DCBLD2: variants seen among roughly 807,000 people sequenced by gnomAD.
DCBLD2 encodes the protein discoidin, CUB and LCCL domain containing 2, also known as discoidin, CUB and LCCL domain-containing protein 2.
A neutral mutation model predicts 86.8 loss-of-function variants in DCBLD2; 54 were observed. The ratio of observed to expected loss-of-function variants is 0.62; its 90% CI spans 0.50 to 0.78. DCBLD2 has a LOEUF of 0.78. DCBLD2 is among the 30% of genes least tolerant of loss of function. DCBLD2 has a pLI of 0.00. For missense variants in DCBLD2, 908 were observed against 954.2 expected (o/e 0.95, Z 0.64); for synonymous variants, 354 against 341.3 (o/e 1.04, Z -0.41).
At chr3:98,852,253 T>A (rs373897015) in intron 2 of DCBLD2, among the ~76,000 whole-genome samples, 54,410 of 148,742 alleles carry the variant, frequency 0.37, 9,781 homozygotes, top group Middle Eastern at 0.39. Context: ...ATATTTCTTT[T>A]TTTTTTTTTT....
intron 3 of DCBLD2, among the ~76,000 whole-genome samples, chr3:98,834,137 GTTTTCTT>G (rs1186542574): frequency 1.4e-5 from 1 of 69,428 alleles, no homozygotes; most frequent in South Asian, 8.2e-4. Flanking sequence ...GAGTAGAGTT[GTTTTCTT>G]TTTTTTTTTT....
chr3:98,821,396 C>G (rs987926374), intron 6 of DCBLD2, among the ~76,000 whole-genome samples: 40 of 152,212 alleles, frequency 2.6e-4, no homozygotes, highest in African/African-American at 7.2e-4. Context: ...GATGCCTACC[C>G]TACGTTTTAT....
At chr3:98,855,468 A>T (rs1942915659) in intron 2 of DCBLD2, among the ~76,000 whole-genome samples, 1 of 152,248 alleles carries the variant, frequency 6.6e-6, no homozygotes, top group South Asian at 2.1e-4. Context: ...ACGTATAGAA[A>T]TGTGTACTTA....
rs992802194 is a variant in DCBLD2 at position 98,808,062 on chromosome 3, G to A, written c.1670+19C>T. On this transcript the variant is annotated intron_variant, in intron 13 of 15. Transcript: ENST00000326840. ...ACATTTGGTAGTTTTGGACTCAGGT[G>A]AACTAGTTATGTACTAACCTGTTTC... The A allele has an allele frequency of 4.6e-6, 7 of 1,522,648 alleles. No homozygotes were observed. Among genetic ancestry groups the A allele is most frequent in the Non-Finnish European group, 4.4e-6 (5 of 1,136,802 alleles). The allele number at this position is 1,522,648 out of a possible 1,614,324, so 94.3% of individuals were successfully genotyped here.
chr3:98,878,776 C>T (rs1441661442), intron 2 of DCBLD2, among the ~76,000 whole-genome samples: 1 of 152,162 alleles, frequency 6.6e-6, no homozygotes, highest in East Asian at 1.9e-4. Context: ...GCCCCTTGAC[C>T]TTTCTGCAGC....
intron 2 of DCBLD2, among the ~76,000 whole-genome samples, chr3:98,864,218 G>A (rs1329315257): frequency 6.6e-6 from 1 of 152,220 alleles, no homozygotes; most frequent in Admixed American, 6.5e-5. Context: ...GTGCTGGAGA[G>A]GTTGTGGAGA....
chr3:98,800,844 A>T, intron 14 of DCBLD2, 128 bp from the exon 15 acceptor site: 2 of 1,298,582 alleles, frequency 1.5e-6, no homozygotes, highest in Non-Finnish European at 2.1e-6. Flanking sequence ...ACTTGCCTTT[A>T]TAATCCAACT....
chr3:98,864,935 T>C (rs1471325123), intron 2 of DCBLD2, among the ~76,000 whole-genome samples: 1 of 152,120 alleles, frequency 6.6e-6, no homozygotes, highest in Non-Finnish European at 1.5e-5. Flanking sequence ...TCATGCTTCC[T>C]AGAATGGCTA....
chr3:98,825,270 A>G, intron 4 of DCBLD2, 45 bp downstream of exon 4: 2 of 1,354,548 alleles, frequency 1.5e-6, no homozygotes, highest in Non-Finnish European at 2.0e-6. Context: ...ATGAAAAGTA[A>G]CATTTAAGCA....
At chr3:98,842,059 C>T (rs1942631941) in intron 3 of DCBLD2, among the ~76,000 whole-genome samples, 1 of 152,002 alleles carries the variant, frequency 6.6e-6, no homozygotes, top group Non-Finnish European at 1.5e-5. Context: ...AGCAAGACTC[C>T]ATCTCAAAAA....
intron 3 of DCBLD2, among the ~76,000 whole-genome samples, chr3:98,826,484 C>T (rs916539641): frequency 6.6e-6 from 1 of 152,236 alleles, no homozygotes; most frequent in African/African-American, 2.4e-5. Context: ...CTTTAGCACA[C>T]AGTAGGCACT....
chr3:98,800,824 A>T, intron 14 of DCBLD2, 108 bp from the exon 15 acceptor site: 1 of 1,493,812 alleles, frequency 6.7e-7, no homozygotes, highest in Non-Finnish European at 9.1e-7. Flanking sequence ...TATAACAAAT[A>T]TCTCTACAAA....
intron 2 of DCBLD2, among the ~76,000 whole-genome samples, chr3:98,867,484 A>G (rs949342062): frequency 1.3e-5 from 2 of 152,206 alleles, no homozygotes; most frequent in Non-Finnish European, 2.9e-5. Context: ...CACTTAAAAA[A>G]TCATTAAATA....
rs767846363 is a variant in DCBLD2 at position 98,849,414 on chromosome 3, G to C, written c.571+47C>G. The C allele has an allele frequency of 3.1e-6, 5 of 1,610,300 alleles. No individual in the cohort carries two copies. The African/African-American group carries it at 6.7e-5, about 22-fold the overall frequency. On this transcript the variant is annotated intron_variant, in intron 3 of 15. Transcript: ENST00000326840. The stretch of plus-strand genomic sequence containing the variant: ...TTAAAAAAAGCATTTTATTTTTGTT[G>C]TTAGAAATTACAAACTGTAGGAACC...
In DCBLD2 at chr3:98,819,313, A is replaced by G; in HGVS notation, c.976T>C (p.Trp326Arg). The G allele has an allele frequency of 3.1e-6, 5 of 1,613,820 alleles. No individual in the cohort carries two copies. Among genetic ancestry groups the G allele is most frequent in the South Asian group, 2.2e-5 (2 of 91,068 alleles). ...WTDHTGQENS[W>R]KPKKARLKKP... ...TTCAGCCTGGCTTTTTTGGGTTTCC[A>G]ACTGTTCTCTTGCCCTGTGTGGTCA... The change falls in exon 8 of 16, where the codon TGG (tryptophan) becomes CGG (arginine). Residue 326 changes from tryptophan to arginine, a missense_variant. Physicochemically the swap from Trp to Arg is moderately radical, Grantham distance 101. Transcript: ENST00000326840.
chr3:98,843,448 C>A (rs1265257447), intron 3 of DCBLD2, among the ~76,000 whole-genome samples: 1 of 152,030 alleles, frequency 6.6e-6, no homozygotes, highest in African/African-American at 2.4e-5. Context: ...AGAAGGCAAA[C>A]AATCTAAGGA....
Position 98,901,645 on chromosome 3 carries a change from TCGCCGCTCGCCGC to T in DCBLD2, c.-332_-320del, listed in dbSNP as rs1360291529. ...TCCCGCGCCGCGCTCCTCACCAGGG[TCGCCGCTCGCCGC>T]GCTCACCCGCGGCTCCGGCTAGCTG... is the stretch of plus-strand genomic sequence containing the variant. On this transcript the variant is annotated 5_prime_UTR_variant, in exon 1 of 16. Transcript: ENST00000326840. 5.0e-6 allele frequency: 1 copy of T among 201,186 alleles called. No homozygotes were observed. The highest frequency in any genetic ancestry group is 2.3e-5 in the African/African-American group (1 of 42,940). The allele number at this position is 201,186 out of a possible 1,614,324, so 12.5% of individuals were successfully genotyped here.
intron 3 of DCBLD2, among the ~76,000 whole-genome samples, chr3:98,846,956 A>G (rs2107481098): frequency 6.6e-6 from 1 of 152,350 alleles, no homozygotes; most frequent in African/African-American, 2.4e-5. Flanking sequence ...ATATGAATCA[A>G]AATAAATAAT....
intron 3 of DCBLD2, among the ~76,000 whole-genome samples, chr3:98,847,467 T>C (rs917170898): frequency 6.6e-6 from 1 of 152,252 alleles, no homozygotes; most frequent in Non-Finnish European, 1.5e-5. Context: ...TCATTTACTA[T>C]GAAAGATTTT....
Sources: gnomAD v4.1 joint callset for allele counts (sites outside exome capture counted in the v4.1 genomes callset) on GRCh38, gnomAD v4.1.1 for gene constraint, MANE v1.5 for transcripts, NCBI Gene and HGNC (gene_info 2026-07-23, HGNC 2026-07-21) for gene names.